OSBPL5: variants seen among roughly 807,000 people sequenced by gnomAD.
OSBPL5 encodes oxysterol-binding protein-related protein 5.
In OSBPL5, 71 loss-of-function variants were observed where a neutral mutation model predicts 111.2. The ratio of observed to expected loss-of-function variants is 0.64; its 90% confidence interval spans 0.53 to 0.78. The LOEUF (loss-of-function observed/expected upper bound fraction) is 0.78, where lower values mean the gene tolerates loss of function less well. Ranked by LOEUF, OSBPL5 falls within the 30% of genes least tolerant of loss-of-function variation. OSBPL5 has a pLI of 0.00. For synonymous variants in OSBPL5, 549 were observed against 513.9 expected, an observed-to-expected ratio of 1.07 and a Z score of -0.93; for missense variants, 1,210 against 1,189.3, an observed-to-expected ratio of 1.02 and a Z score of -0.26.
chr11:3,094,369 C>T (rs965788208), intron 14 of OSBPL5, 35 bp from the exon 15 acceptor site: 1 of 1,581,004 alleles, frequency 6.3e-7, no homozygotes, highest in Non-Finnish European at 8.6e-7. Flanking sequence ...CCAGGCGGCC[C>T]CAGCCCTGCT....
In OSBPL5 at chr11:3,094,422, C is replaced by A. The variant is rs1359441931; in HGVS notation, c.1622-88G>T. 4.9e-6 allele frequency: 5 copies of A among 1,018,396 alleles called. No homozygotes were observed. The East Asian group carries it at 1.2e-4, about 25-fold the overall frequency. 63.1% of individuals were successfully genotyped at this position (1,018,396 alleles called of 1,614,324 possible). On this transcript the variant is annotated intron_variant, in intron 14 of 21. Transcript: ENST00000263650. ...GAGTACCGACCCAGCAGCACCGATC[C>A]CTGAGTCCCGACCCAGCAGCACCGA... is the stretch of plus-strand genomic sequence containing the variant.
At position 3,162,589 on chromosome 11, in the gene OSBPL5, G is replaced by A. The variant is rs960862864; in HGVS notation, c.-22+2627C>T. ...TAGTCCAAGTCCTTTGTACTCGACC[G>A]CCAACCCTACCACTCTCCGGAGCAG... On this transcript the variant is annotated intron_variant, in intron 1 of 21. Transcript: ENST00000263650. The surrounding 1 kb of genome is among the most constrained non-coding windows in gnomAD (Gnocchi z 8.1). Among the ~76,000 whole-genome samples the A allele has an allele frequency of 6.6e-6, 1 of 151,982 alleles. No individual in the cohort carries two copies. Among genetic ancestry groups the A allele is most frequent in the East Asian group, 1.9e-4 (1 of 5,150 alleles).
At position 3,104,309 on chromosome 11, in the gene OSBPL5, C is replaced by G; in HGVS notation, c.1128G>C (p.Lys376Asn). 1 of 1,613,764 alleles carries G rather than the reference C, an allele frequency of 6.2e-7. No individual in the cohort carries two copies. The highest frequency in any genetic ancestry group is 8.5e-7 in the Non-Finnish European group (1 of 1,179,988). The stretch of plus-strand genomic sequence containing the variant: ...ACAGGTCCATGCCTGGCCGTAGCTG[C>G]TTCAGCAGGGTCCACATCAGACTCT... ...ENKSLMWTLL[K>N]QLRPGMDLSR... The change falls in exon 10 of 22, where the codon AAG becomes AAC. Residue 376 changes from lysine (K) to asparagine (N), a missense_variant. Physicochemically the swap from Lys to Asn is moderately conservative, Grantham distance 94. Transcript: ENST00000263650. The surrounding 1 kb of genome is among the most constrained non-coding windows in gnomAD (Gnocchi z 5.0).
rs978010888 is a variant in OSBPL5 at position 3,120,571 on chromosome 11, C to A, written c.456G>T (p.Gly152=). 1.9e-5 allele frequency: 30 copies of A among 1,613,192 alleles called. No individual in the cohort carries two copies. The highest frequency in any genetic ancestry group is 2.4e-5 in the Non-Finnish European group (28 of 1,180,036). The change falls in exon 6 of 22, where the codon GGG becomes GGT. Residue 152 remains glycine, a synonymous_variant. Transcript: ENST00000263650. The part of the protein sequence containing the change: ...WTKLWCVLKP[G]VLLIYKTPKV... The stretch of plus-strand genomic sequence containing the variant: ...TGGGCGTCTTGTAGATGAGCAGCAC[C>A]CCCGGCTTCAGCACGCACCACAGCT...
rs190393865 is a variant in OSBPL5 at position 3,089,905 on chromosome 11, C to T, written c.2442G>A (p.Arg814=). The T allele has an allele frequency of 1.9e-3, 3,018 of 1,566,004 alleles. 6 individuals carry two copies. The highest frequency in any genetic ancestry group is 2.3e-3 in the Non-Finnish European group (2,707 of 1,156,164). Residue 814 remains arginine, a synonymous_variant, in exon 21 of 22, where the codon CGG becomes CGA. Transcript: ENST00000263650. ...PCPRCRKEAR[R]LQALHEAILS... ...GGATGGCCTCGTGCAGGGCCTGCAG[C>T]CGCCGCGCCTCCTTCCTGCACCGAG...
At position 3,113,817 on chromosome 11, in the gene OSBPL5, A is replaced by G. The variant is rs1161913725; in HGVS notation, c.691+5730T>C. Among the ~76,000 whole-genome samples the G allele has an allele frequency of 1.6e-4, 25 of 152,198 alleles. No homozygotes were observed. The highest frequency in any genetic ancestry group is 1.6e-3 in the Admixed American group (25 of 15,270). ...AGTCTTTGTTTCAGGTAAACTATAAACTAAGTTCCTCCCAAAGTTAGTTTG... is the reference window on the plus strand; with the variant it reads ...AGTCTTTGTTTCAGGTAAACTATAAGCTAAGTTCCTCCCAAAGTTAGTTTG... On this transcript the variant is annotated intron_variant, in intron 7 of 21. Coordinates refer to ENST00000263650, the MANE Select transcript of OSBPL5 (RefSeq NM_020896.4). This position sits in a 1 kb window ranked among gnomAD's most constrained non-coding sequence, Gnocchi z 4.8.
chr11:3,131,969 CCAT>C (rs1348139078), intron 1 of OSBPL5, among the ~76,000 whole-genome samples: 31 of 104,568 alleles, frequency 3.0e-4, no homozygotes, highest in East Asian at 2.4e-3. Context: ...ATCCATCCAT[CCAT>C]CCACCCACCC....
At chr11:3,102,372 G>T in intron 11 of OSBPL5, 91 bp from the exon 12 acceptor site, 1 of 1,232,912 alleles carries the variant, frequency 8.1e-7, no homozygotes, top group Non-Finnish European at 1.2e-6. Context: ...GGGGCAGCGT[G>T]GGTGGGCTAC....
At chr11:3,103,908 C>CTTCCTGCCTCTGTAGCCCCA (rs1857605121) in intron 10 of OSBPL5, among the ~76,000 whole-genome samples, 1 of 118,362 alleles carries the variant, frequency 8.4e-6, no homozygotes, top group Non-Finnish European at 1.8e-5. Context: ...CTGCAGCCCC[C>CTTCCTGCCTCTGTAGCCCCA]TTCCTGCCTC....
At chr11:3,090,524 C>G in intron 20 of OSBPL5, 34 bp downstream of exon 20, 4 of 1,601,930 alleles carry the variant, frequency 2.5e-6, no homozygotes, top group East Asian at 2.2e-5. Flanking sequence ...CCCCACCAGA[C>G]AGAGGCCTTG....
rs1857681980 is a variant in OSBPL5, at chr11:3,106,086, C to G, written c.1059+1177G>C. Among the ~76,000 whole-genome samples, 1 of 152,132 alleles carries G rather than the reference C, an allele frequency of 6.6e-6. No individual in the cohort carries two copies. Among genetic ancestry groups the G allele is most frequent in the Non-Finnish European group, 1.5e-5 (1 of 68,006 alleles). ...GGCCCCCAGGGCCCTCGGTCCACTC[C>G]CCATAGGCCCATCCTAACCTTCCCA... is the stretch of plus-strand genomic sequence containing the variant. On this transcript the variant is annotated intron_variant, in intron 9 of 21. Coordinates refer to ENST00000263650, the MANE Select transcript of OSBPL5 (RefSeq NM_020896.4). This position sits in a 1 kb window ranked among gnomAD's most constrained non-coding sequence, Gnocchi z 8.4.
chr11:3,093,709 C>T (rs369574505), intron 16 of OSBPL5, 37 bp downstream of exon 16: 81 of 1,612,404 alleles, frequency 5.0e-5, no homozygotes, highest in East Asian at 2.0e-4. Flanking sequence ...TGGCGTTGAC[C>T]GCCCGGCCGT....
rs751212682 is a variant in OSBPL5, at chr11:3,104,263, A to G, written c.1174T>C (p.Phe392Leu). 7 of 1,613,644 alleles carry G rather than the reference A, an allele frequency of 4.3e-6. No homozygotes were observed. The highest frequency in any genetic ancestry group is 1.3e-5 in the African/African-American group (1 of 74,940). ...AGGAAGGAGCGCGGCTCCAGTACGA[A>G]CGTGGGTAGCACCACGCGGGACAGG... is the stretch of plus-strand genomic sequence containing the variant. ...MDLSRVVLPT[F>L]VLEPRSFLNK... Residue 392 changes from phenylalanine (F) to leucine (L), a missense_variant, in exon 10 of 22, where the codon TTC becomes CTC. Physicochemically the swap from Phe to Leu is conservative, Grantham distance 22. Transcript: ENST00000263650. This position sits in a 1 kb window ranked among gnomAD's most constrained non-coding sequence, Gnocchi z 5.0.
At chr11:3,144,537 T>C (rs1846270303) in intron 1 of OSBPL5, among the ~76,000 whole-genome samples, 1 of 152,214 alleles carries the variant, frequency 6.6e-6, no homozygotes. Context: ...GAGTGCGGGC[T>C]GGGCCTGGCC....
At chr11:3,103,704 G>GT (rs1857540313) in intron 10 of OSBPL5, among the ~76,000 whole-genome samples, 1 of 122,744 alleles carries the variant, frequency 8.1e-6, no homozygotes, top group Non-Finnish European at 1.7e-5. Context: ...TCCAGCCTGC[G>GT]TACCCCCTTC....
In OSBPL5 at chr11:3,126,256, G is replaced by A. The variant is rs973566391; in HGVS notation, c.219+217C>T. Among the ~76,000 whole-genome samples, 15 of 152,294 alleles carry A rather than the reference G, an allele frequency of 9.8e-5. No individual in the cohort carries two copies. Among genetic ancestry groups the A allele is most frequent in the Non-Finnish European group, 2.1e-4 (14 of 68,028 alleles). ...CAAATACACGTGCACACATGTTCAC[G>A]GAAGCATTTTTCATGACAGCTATAT... is the stretch of plus-strand genomic sequence containing the variant. On this transcript the variant is annotated intron_variant, in intron 3 of 21. Coordinates refer to ENST00000263650, the MANE Select transcript of OSBPL5 (RefSeq NM_020896.4). This position sits in a 1 kb window ranked among gnomAD's most constrained non-coding sequence, Gnocchi z 6.5.
At position 3,104,222 on chromosome 11, in the gene OSBPL5, G is replaced by T; in HGVS notation, c.1215C>A (p.Asp405Glu). Reference sequence around the variant, plus strand: ...AGAGCAGGTCTGCGTGGTAGTAGTAGTCGGAGAGCTTGTTCAGGAAGGAGC... The same window carrying T: ...AGAGCAGGTCTGCGTGGTAGTAGTATTCGGAGAGCTTGTTCAGGAAGGAGC... ...EPRSFLNKLS[D>E]YYYHADLLSR... Residue 405 changes from aspartate (D) to glutamate (E), a missense_variant, in exon 10 of 22, where the codon GAC (aspartate) becomes GAA (glutamate). Coordinates refer to ENST00000263650, the MANE Select transcript of OSBPL5 (RefSeq NM_020896.4). The surrounding 1 kb of genome is among the most constrained non-coding windows in gnomAD (Gnocchi z 5.0). 1.2e-6 allele frequency: 2 copies of T among 1,612,170 alleles called. No homozygotes were observed. Among genetic ancestry groups the T allele is most frequent in the Non-Finnish European group, 1.7e-6 (2 of 1,178,632 alleles).
At chr11:3,145,244 C>T (rs563214666) in intron 1 of OSBPL5, among the ~76,000 whole-genome samples, 2 of 152,198 alleles carry the variant, frequency 1.3e-5, no homozygotes, top group African/African-American at 2.4e-5. Flanking sequence ...CCCCGTCAGC[C>T]CCTTGATGAA....
At position 3,109,926 on chromosome 11, in the gene OSBPL5, C is replaced by T. The variant is rs564856432; in HGVS notation, c.692-1981G>A. Among the ~76,000 whole-genome samples the T allele has an allele frequency of 5.3e-5, 8 of 152,192 alleles. No individual in the cohort carries two copies. The highest frequency in any genetic ancestry group is 2.1e-4 in the South Asian group (1 of 4,826). On this transcript the variant is annotated intron_variant, in intron 7 of 21. Transcript: ENST00000263650. The surrounding 1 kb of genome is among the most constrained non-coding windows in gnomAD (Gnocchi z 7.4). ...CAGGGGCTGCAGACACCTCTCCTCC[C>T]GAATGGTGGCCCACACCCTATCAGG...
Sources: allele counts gnomAD v4.1 joint callset (sites outside exome capture counted in the v4.1 genomes callset), GRCh38; gene constraint gnomAD v4.1.1; non-coding constraint Gnocchi (gnomAD v3.1); transcripts MANE v1.5; gene names NCBI Gene and HGNC (gene_info 2026-07-23, HGNC 2026-07-21).